Variants in MTMR9 observed in about 807,000 individuals in gnomAD.
The protein encoded by MTMR9 is myotubularin-related protein 9.
MTMR9 carries 39 observed loss-of-function variants against 69.5 expected under a neutral mutation model. The ratio of observed to expected loss-of-function variants is 0.56; its 90% CI spans 0.43 to 0.73. MTMR9 has a LOEUF of 0.73. Among genes scored for constraint, MTMR9 ranks in the 30% least tolerant of loss-of-function variants. MTMR9 has a pLI of 0.00. For missense variants in MTMR9, 900 were observed against 671.2 expected (o/e 1.34, Z -3.77); for synonymous variants, 354 against 240.8 (o/e 1.47, Z -4.35).
rs1386825305 is a variant in MTMR9 at position 11,324,259 on chromosome 8, A to G, written c.*1471A>G. Reference sequence around the variant, plus strand: ...TGAGAAGCCTTTGAAAATGGCAAATACTTTTCATCACCAATTGCCCAATTC... The same window carrying G: ...TGAGAAGCCTTTGAAAATGGCAAATGCTTTTCATCACCAATTGCCCAATTC... On this transcript the variant is annotated 3_prime_UTR_variant, in exon 10 of 10. Coordinates refer to ENST00000221086, the MANE Select transcript of MTMR9 (RefSeq NM_015458.4). 2 of 152,348 alleles carry G rather than the reference A, an allele frequency of 1.3e-5. No homozygotes were observed. Among genetic ancestry groups the G allele is most frequent in the African/African-American group, 4.8e-5 (2 of 41,586 alleles). The allele number at this position is 152,348 out of a possible 1,614,324, so 9.4% of individuals were successfully genotyped here.
At chr8:11,306,802 C>G (rs190390728) in intron 5 of MTMR9, among the ~76,000 whole-genome samples, 71 of 152,246 alleles carry the variant, frequency 4.7e-4, no homozygotes, top group African/African-American at 1.5e-3. Flanking sequence ...GAACTAATTC[C>G]TCCTAAGTGA....
At chr8:11,310,023 C>G (rs952687750) in intron 6 of MTMR9, among the ~76,000 whole-genome samples, 15 of 151,410 alleles carry the variant, frequency 9.9e-5, no homozygotes, top group African/African-American at 3.4e-4. Context: ...AGGAAGTTTT[C>G]TTATTTTTTC....
At chr8:11,318,262 A>T (rs1357760994) in intron 8 of MTMR9, 1 of 152,348 alleles carries the variant, frequency 6.6e-6, no homozygotes, top group African/African-American at 2.4e-5. Flanking sequence ...AGGCTCAGCC[A>T]GAGCAAGTTC....
At position 11,322,959 on chromosome 8, in the gene MTMR9, C is replaced by G; in HGVS notation, c.*171C>G. 1 of 475,026 alleles carries G rather than the reference C, an allele frequency of 2.1e-6. No individual in the cohort carries two copies. The highest frequency in any genetic ancestry group is 3.5e-6 in the Non-Finnish European group (1 of 283,068). The allele number at this position is 475,026 out of a possible 1,614,324, so 29.4% of individuals were successfully genotyped here. A position where few individuals can be genotyped will look rare whatever the true frequency, so the allele number is the denominator to read the frequency against. On this transcript the variant is annotated 3_prime_UTR_variant, in exon 10 of 10. Coordinates refer to ENST00000221086, the MANE Select transcript of MTMR9 (RefSeq NM_015458.4). Reference sequence around the variant, plus strand: ...CTGTATGAATAATGAAACTTACTATCATAAACCATGTTTCATGTGGCCTGT... The same window carrying G: ...CTGTATGAATAATGAAACTTACTATGATAAACCATGTTTCATGTGGCCTGT...
chr8:11,291,472 T>C (rs1412740035), intron 1 of MTMR9, among the ~76,000 whole-genome samples: 1 of 152,088 alleles, frequency 6.6e-6, no homozygotes, highest in Non-Finnish European at 1.5e-5. Context: ...AATGATAAAA[T>C]AGAACTGAAT....
intron 4 of MTMR9, 43 bp from the exon 5 acceptor site, chr8:11,306,147 A>C (rs1164441929): frequency 6.4e-7 from 1 of 1,565,196 alleles, no homozygotes; most frequent in East Asian, 2.3e-5. Context: ...CAGAAACTTT[A>C]AAAGCAACTG....
intron 1 of MTMR9, 27 bp from the exon 2 acceptor site, chr8:11,295,167 C>T (rs1397061723): frequency 7.9e-7 from 1 of 1,272,452 alleles, no homozygotes; most frequent in Non-Finnish European, 1.1e-6. Flanking sequence ...ATATGTGTTC[C>T]TAAACATGAT....
intron 6 of MTMR9, among the ~76,000 whole-genome samples, chr8:11,310,838 C>T (rs536427837): frequency 7.9e-5 from 12 of 152,116 alleles, no homozygotes; most frequent in African/African-American, 2.9e-4. Context: ...GCTGTGACAG[C>T]ATGATGATAC....
the MTMR9 span, among the ~76,000 whole-genome samples, chr8:11,337,646 C>T: frequency 6.6e-6 from 1 of 152,216 alleles, no homozygotes; most frequent in African/African-American, 2.4e-5. Flanking sequence ...TGACATAGCC[C>T]TGGGGCAAAA....
intron 2 of MTMR9, 125 bp from the exon 3 acceptor site, chr8:11,299,898 G>A: frequency 1.7e-6 from 2 of 1,148,462 alleles, no homozygotes; most frequent in Non-Finnish European, 2.4e-6. Flanking sequence ...TAAACACAAT[G>A]TTAGAGAAAC....
downstream of MTMR9, among the ~76,000 whole-genome samples, chr8:11,332,415 A>C (rs545615134): frequency 1.3e-5 from 2 of 152,236 alleles, no homozygotes; most frequent in South Asian, 4.1e-4. Context: ...AATTGTCTTA[A>C]ATATGCACAA....
intron 6 of MTMR9, among the ~76,000 whole-genome samples, chr8:11,311,733 A>G (rs546800143): frequency 8.1e-4 from 124 of 152,316 alleles, no homozygotes; most frequent in Non-Finnish European, 1.5e-3. Flanking sequence ...TGCCGCATCA[A>G]TTGACTCTTC....
chr8:11,284,933 G>C lies in MTMR9; in HGVS notation c.45G>C (p.Val15=). 1 of 1,613,270 alleles carries C rather than the reference G, an allele frequency of 6.2e-7. No homozygotes were observed. The highest frequency in any genetic ancestry group is 8.5e-7 in the Non-Finnish European group (1 of 1,179,636). ...TTAAGACCCCGCGGGTGGACAATGT[G>C]GTGCTGCACCGGCCTTTCTACCCGG... ...ELIKTPRVDN[V]VLHRPFYPAV... Residue 15 remains valine, a synonymous_variant, in exon 1 of 10, where the codon GTG becomes GTC. Transcript: ENST00000221086.
chr8:11,292,811 A>G (rs1028905407), intron 1 of MTMR9, among the ~76,000 whole-genome samples: 1 of 152,160 alleles, frequency 6.6e-6, no homozygotes, highest in African/African-American at 2.4e-5. Context: ...TCTCTTGCCC[A>G]GTGACGTTGT....
At chr8:11,313,286 T>A (rs1800278582) in intron 6 of MTMR9, among the ~76,000 whole-genome samples, 1 of 152,234 alleles carries the variant, frequency 6.6e-6, no homozygotes. Context: ...GGCCTTCCTC[T>A]GGATTAGGCT....
rs1800939151 is a variant in MTMR9 at position 11,326,544 on chromosome 8, T to C, written c.*3756T>C. 1 of 152,190 alleles carries C rather than the reference T, an allele frequency of 6.6e-6. No homozygotes were observed. Among genetic ancestry groups the C allele is most frequent in the Admixed American group, 6.5e-5 (1 of 15,286 alleles). 9.4% of individuals were successfully genotyped at this position (152,190 alleles called of 1,614,324 possible). ...GAAGAGGTTCAGAGAACTTTCCAGG[T>C]TTATACTATACCTCAAGACCACATA... On this transcript the variant is annotated 3_prime_UTR_variant, in exon 10 of 10. Coordinates refer to ENST00000221086, the MANE Select transcript of MTMR9 (RefSeq NM_015458.4).
At chr8:11,299,213 C>T (rs1306139204) in intron 2 of MTMR9, among the ~76,000 whole-genome samples, 1 of 152,028 alleles carries the variant, frequency 6.6e-6, no homozygotes, top group Non-Finnish European at 1.5e-5. Context: ...ACCTGTAATC[C>T]CAGCTACTCA....
At chr8:11,335,678 C>T in the MTMR9 span, among the ~76,000 whole-genome samples, 9 of 152,238 alleles carry the variant, frequency 5.9e-5, no homozygotes, top group Non-Finnish European at 8.8e-5. Flanking sequence ...TAATCAAGAC[C>T]GTATTTCTTG....
At chr8:11,289,986 T>C (rs1471164713) in intron 1 of MTMR9, among the ~76,000 whole-genome samples, 2 of 152,164 alleles carry the variant, frequency 1.3e-5, no homozygotes, top group Admixed American at 1.3e-4. Flanking sequence ...AGACTGCCCC[T>C]AGGATGGGAT....
Sources: gnomAD v4.1 joint callset for allele counts (sites outside exome capture counted in the v4.1 genomes callset) on GRCh38, gnomAD v4.1.1 for gene constraint, MANE v1.5 for transcripts, NCBI Gene and HGNC (gene_info 2026-07-23, HGNC 2026-07-21) for gene names.